KIF21A: variants seen among roughly 807,000 people sequenced by gnomAD.
KIF21A encodes the protein kinesin family member 21A.
KIF21A carries 114 observed loss-of-function variants against 202.9 expected under a neutral mutation model. That is an observed-to-expected ratio of 0.56 (90% CI 0.48 to 0.66). The LOEUF (loss-of-function observed/expected upper bound fraction) is 0.66, where lower values mean the gene tolerates loss of function less well. KIF21A is among the 30% of genes least tolerant of loss of function. The pLI, the probability that KIF21A is intolerant of heterozygous loss-of-function variation, is 0.00. For synonymous variants in KIF21A, 667 were observed against 670.8 expected, an observed-to-expected ratio of 0.99 and a Z score of 0.09; for missense variants, 1,677 against 1,994.9, an observed-to-expected ratio of 0.84 and a Z score of 3.04.
At chr12:39,356,694 C>T in intron 10 of KIF21A, 138 bp downstream of exon 10, 1 of 547,342 alleles carries the variant, frequency 1.8e-6, no homozygotes. Context: ...AAAGAATCTC[C>T]TAAAGTTAAC....
intron 37 of KIF21A, among the ~76,000 whole-genome samples, chr12:39,299,015 C>T (rs1592006874): frequency 6.6e-6 from 1 of 152,040 alleles, no homozygotes; most frequent in Non-Finnish European, 1.5e-5. Context: ...GTAAGTAGAA[C>T]TAATTTTTTA....
intron 10 of KIF21A, among the ~76,000 whole-genome samples, chr12:39,355,866 C>G (rs1215129350): frequency 6.6e-6 from 1 of 151,638 alleles, no homozygotes; most frequent in African/African-American, 2.4e-5. Flanking sequence ...TTTAAGAGAT[C>G]CAGTGTGCCT....
Position 39,357,191 on chromosome 12 carries a change from G to A in KIF21A, c.1405+57C>T, listed in dbSNP as rs1592311521. The A allele has an allele frequency of 7.6e-6, 11 of 1,438,582 alleles. No homozygotes were observed. The East Asian group carries it at 1.1e-4, about 15-fold the overall frequency. 89.1% of individuals were successfully genotyped at this position (1,438,582 alleles called of 1,614,324 possible). On this transcript the variant is annotated intron_variant, in intron 9 of 37. Transcript: ENST00000361418. Reference sequence around the variant, plus strand: ...ATGCTAGGTAATTAGTGAACACAAAGAATGTTCCCTGCCCTCCAGAAGTTA... The same window carrying A: ...ATGCTAGGTAATTAGTGAACACAAAAAATGTTCCCTGCCCTCCAGAAGTTA...
At chr12:39,394,889 C>G (rs1951621491) in intron 1 of KIF21A, among the ~76,000 whole-genome samples, 1 of 152,210 alleles carries the variant, frequency 6.6e-6, no homozygotes, top group Non-Finnish European at 1.5e-5. Flanking sequence ...ACTTTCTTCA[C>G]ACATCTCTGC....
intron 1 of KIF21A, among the ~76,000 whole-genome samples, chr12:39,373,078 C>T (rs1163508702): frequency 1.3e-5 from 2 of 152,142 alleles, no homozygotes; most frequent in Admixed American, 1.3e-4. Context: ...AACTCTTGCC[C>T]TCACCAACCT....
chr12:39,412,222 G>C (rs1024903819), intron 1 of KIF21A, among the ~76,000 whole-genome samples: 1 of 152,154 alleles, frequency 6.6e-6, no homozygotes, highest in Non-Finnish European at 1.5e-5. Context: ...TAAGTACAAT[G>C]ATTAATGGTA....
chr12:39,381,074 G>A (rs1950579237), intron 1 of KIF21A, among the ~76,000 whole-genome samples: 1 of 152,054 alleles, frequency 6.6e-6, no homozygotes, highest in Admixed American at 6.6e-5. Flanking sequence ...GGGAGGCTGA[G>A]GAGGGTGGAT....
At chr12:39,337,279 T>G in intron 16 of KIF21A, 76 bp from the exon 17 acceptor site, 1 of 944,352 alleles carries the variant, frequency 1.1e-6, no homozygotes, top group Non-Finnish European at 1.7e-6. Flanking sequence ...TATATGGAAG[T>G]AAGTTCTTAG....
intron 1 of KIF21A, among the ~76,000 whole-genome samples, chr12:39,411,348 C>T (rs969197364): frequency 1.3e-5 from 2 of 152,196 alleles, no homozygotes; most frequent in Non-Finnish European, 2.9e-5. Context: ...GACCCCACCA[C>T]AGACCTAATA....
intron 1 of KIF21A, among the ~76,000 whole-genome samples, chr12:39,402,721 C>T (rs555755019): frequency 2.4e-4 from 36 of 152,142 alleles, no homozygotes; most frequent in Non-Finnish European, 4.4e-4. Flanking sequence ...AATTCATAAA[C>T]TTTCTTAAAA....
chr12:39,326,471 T>C lies in KIF21A; in HGVS notation c.3341-147A>G. The C allele has an allele frequency of 5.9e-6, 4 of 681,912 alleles. No individual in the cohort carries two copies. In the South Asian group the frequency reaches 6.3e-5, roughly 11 times the overall value. The allele number at this position is 681,912 out of a possible 1,614,324, so 42.2% of individuals were successfully genotyped here. A position where few individuals can be genotyped will look rare whatever the true frequency, so the allele number is the denominator to read the frequency against. On this transcript the variant is annotated intron_variant, in intron 24 of 37. Coordinates refer to ENST00000361418, the MANE Select transcript of KIF21A (RefSeq NM_001173464.2). ...AGCTGAATCTAAATAGACAGAATTG[T>C]AGAAAAGTATTTCTAAAAACTCTCC...
chr12:39,354,546 A>C (rs1948628913), intron 10 of KIF21A, among the ~76,000 whole-genome samples: 1 of 152,188 alleles, frequency 6.6e-6, no homozygotes, highest in Non-Finnish European at 1.5e-5. Context: ...GATTATTATT[A>C]TCTCACAAGT....
intron 1 of KIF21A, among the ~76,000 whole-genome samples, chr12:39,375,060 G>C (rs1410541398): frequency 6.6e-6 from 1 of 152,098 alleles, no homozygotes; most frequent in African/African-American, 2.4e-5. Context: ...GAAGGAACTA[G>C]TGAAGATTAG....
At chr12:39,420,146 C>T (rs777859734) in intron 1 of KIF21A, among the ~76,000 whole-genome samples, 2 of 149,962 alleles carry the variant, frequency 1.3e-5, no homozygotes, top group African/African-American at 2.5e-5. Flanking sequence ...TGCTGTTTGA[C>T]GAGTCACAGA....
At chr12:39,434,750 T>C (rs1423951644) in intron 1 of KIF21A, among the ~76,000 whole-genome samples, 1 of 152,154 alleles carries the variant, frequency 6.6e-6, no homozygotes, top group Admixed American at 6.5e-5. Flanking sequence ...TAAGAAGGAA[T>C]ACAATTGAGG....
intron 1 of KIF21A, among the ~76,000 whole-genome samples, chr12:39,382,612 T>C (rs903402881): frequency 1.3e-5 from 2 of 152,210 alleles, no homozygotes; most frequent in African/African-American, 2.4e-5. Context: ...ATTATTTTTA[T>C]AGTGTATTTG....
At chr12:39,350,459 C>T (rs1161744774) in intron 11 of KIF21A, among the ~76,000 whole-genome samples, 1 of 151,988 alleles carries the variant, frequency 6.6e-6, no homozygotes, top group Non-Finnish European at 1.5e-5. Context: ...AAAAACAAGT[C>T]ATACCATTTG....
intron 1 of KIF21A, among the ~76,000 whole-genome samples, chr12:39,407,976 G>A (rs1952745230): frequency 6.6e-6 from 1 of 150,968 alleles, no homozygotes; most frequent in Admixed American, 6.6e-5. Flanking sequence ...AAAAGAAAAC[G>A]TGACAAATAG....
At chr12:39,361,719 G>A (rs1949245656) in intron 7 of KIF21A, among the ~76,000 whole-genome samples, 1 of 152,030 alleles carries the variant, frequency 6.6e-6, no homozygotes, top group South Asian at 2.1e-4. Context: ...TGTTAGCCAG[G>A]ATGGTCTTGA....
Sources: allele counts gnomAD v4.1 joint callset (sites outside exome capture counted in the v4.1 genomes callset), GRCh38; gene constraint gnomAD v4.1.1; transcripts MANE v1.5; gene names NCBI Gene and HGNC (gene_info 2026-07-23, HGNC 2026-07-21).